The following ANKFY1 variants were observed in gnomAD, a reference collection of about 807,000 sequenced individuals.
The protein encoded by ANKFY1 is ankyrin repeat and FYVE domain-containing protein 1.
Under a neutral mutation model 128.3 loss-of-function variants are expected in ANKFY1, and 47 were observed. The ratio of observed to expected loss-of-function variants is 0.37; its 90% CI spans 0.29 to 0.47. The LOEUF is 0.47. Ranked by LOEUF, ANKFY1 falls within the 20% of genes least tolerant of loss-of-function variation. The pLI is 1.00. For synonymous variants in ANKFY1, 553 were observed against 601.6 expected, an observed-to-expected ratio of 0.92 and a Z score of 1.18; for missense variants, 1,222 against 1,510.6, an observed-to-expected ratio of 0.81 and a Z score of 3.17.
intron 3 of ANKFY1, chr17:4,222,265 A>T: frequency 1.8e-6 from 1 of 553,230 alleles, no homozygotes. Context: ...CGCGGGGCCC[A>T]GCGTGAGCCT....
rs544477349 is a variant in ANKFY1, at chr17:4,167,316, A to G, written c.*463T>C. The G allele has an allele frequency of 6.5e-6, 1 of 153,672 alleles. No individual in the cohort carries two copies. Among genetic ancestry groups the G allele is most frequent in the East Asian group, 1.9e-4 (1 of 5,218 alleles). 9.5% of individuals were successfully genotyped at this position (153,672 alleles called of 1,614,324 possible). A position where few individuals can be genotyped will look rare whatever the true frequency, so the allele number is the denominator to read the frequency against. Reference sequence around the variant, plus strand: ...TATCTTTATGAAAACACTGTGCAGAAAAGTCCACAGCCACTTACCCTAGAG... The same window carrying G: ...TATCTTTATGAAAACACTGTGCAGAGAAGTCCACAGCCACTTACCCTAGAG... On this transcript the variant is annotated 3_prime_UTR_variant, in exon 25 of 25. Coordinates refer to ENST00000341657, the MANE Select transcript of ANKFY1 (RefSeq NM_001330063.2). This position sits in a 1 kb window ranked among gnomAD's most constrained non-coding sequence, Gnocchi z 4.1.
At chr17:4,183,301 T>C (rs1398153923) in intron 14 of ANKFY1, 97 bp downstream of exon 14, 1 of 1,448,844 alleles carries the variant, frequency 6.9e-7, no homozygotes, top group Non-Finnish European at 9.4e-7. Flanking sequence ...CTCTAACTAA[T>C]ATGAAACAAA....
At chr17:4,222,454 C>T in intron 3 of ANKFY1, 1 of 811,216 alleles carries the variant, frequency 1.2e-6, no homozygotes, top group Non-Finnish European at 2.2e-6. Flanking sequence ...GCTGGGATTC[C>T]AAGCGGACAA....
intron 7 of ANKFY1, 49 bp from the exon 8 acceptor site, chr17:4,197,626 C>T: frequency 6.4e-7 from 1 of 1,557,618 alleles, no homozygotes; most frequent in Non-Finnish European, 8.8e-7. Flanking sequence ...AGTATTCTGG[C>T]CAGTGCTTCT....
At chr17:4,246,753 T>TCTGCACTTAAACTGTC (rs1967562572) in intron 1 of ANKFY1, among the ~76,000 whole-genome samples, 1 of 152,152 alleles carries the variant, frequency 6.6e-6, no homozygotes, top group Non-Finnish European at 1.5e-5. Context: ...CTTAAACTGT[T>TCTGCACTTAAACTGTC]GATCTGCAAA....
intron 1 of ANKFY1, among the ~76,000 whole-genome samples, chr17:4,256,254 C>T (rs1032987473): frequency 1.3e-5 from 2 of 151,958 alleles, no homozygotes; most frequent in South Asian, 4.2e-4. Flanking sequence ...GAGTGAAACC[C>T]CGTCTCTATT....
At chr17:4,197,301 G>T in intron 8 of ANKFY1, 72 bp downstream of exon 8, 1 of 1,504,106 alleles carries the variant, frequency 6.6e-7, no homozygotes, top group Non-Finnish European at 9.2e-7. Flanking sequence ...CTCCCCGTAT[G>T]CCAATTACAT....
chr17:4,210,229 G>A (rs192818511), intron 4 of ANKFY1, among the ~76,000 whole-genome samples: 23 of 152,216 alleles, frequency 1.5e-4, no homozygotes, highest in Admixed American at 9.8e-4. Flanking sequence ...GCACACATAC[G>A]ACACCCGCTG....
At position 4,209,958 on chromosome 17, in the gene ANKFY1, G is replaced by A. The variant is rs918803806; in HGVS notation, c.459-11C>T. Reference sequence around the variant, plus strand: ...ACACCCTTCTCACATCTGTAAGAGAGTATTCATCATGAGGAGTATTACTGG... The same window carrying A: ...ACACCCTTCTCACATCTGTAAGAGAATATTCATCATGAGGAGTATTACTGG... On this transcript the variant is annotated splice_polypyrimidine_tract_variant and intron_variant, in intron 4 of 24. Transcript: ENST00000341657. 3 of 1,604,660 alleles carry A rather than the reference G, an allele frequency of 1.9e-6. No individual in the cohort carries two copies. The highest frequency in any genetic ancestry group is 2.6e-6 in the Non-Finnish European group (3 of 1,172,292).
intron 3 of ANKFY1, among the ~76,000 whole-genome samples, chr17:4,224,665 TTTG>T (rs201334019): frequency 7.0e-4 from 107 of 151,832 alleles, no homozygotes; most frequent in African/African-American, 1.9e-3. Flanking sequence ...AAACTGTTTG[TTTG>T]TTTTTTTTTA....
chr17:4,222,436 GA>G (rs2060341800), intron 3 of ANKFY1: 8 of 803,196 alleles, frequency 1.0e-5, no homozygotes, highest in Non-Finnish European at 1.4e-5. Flanking sequence ...GTCCAAGGTT[GA>G]ATGTAAGCTG....
chr17:4,179,643 C>T, intron 17 of ANKFY1, 78 bp downstream of exon 17: 2 of 1,557,562 alleles, frequency 1.3e-6, no homozygotes, highest in Non-Finnish European at 1.7e-6. Context: ...GGGGACTGTG[C>T]AAGGTCCTCT....
At chr17:4,226,278 T>C (rs1235581008) in intron 3 of ANKFY1, among the ~76,000 whole-genome samples, 2 of 152,062 alleles carry the variant, frequency 1.3e-5, no homozygotes, top group East Asian at 1.9e-4. Context: ...ATCCAGAGCT[T>C]TGGGAGGCCG....
chr17:4,223,688 A>C, intron 3 of ANKFY1: 1 of 1,602,200 alleles, frequency 6.2e-7, no homozygotes, highest in Non-Finnish European at 8.6e-7. Flanking sequence ...TGGTTACCGA[A>C]TAGCCCAGCC....
chr17:4,184,018 A>C (rs2059565745), intron 12 of ANKFY1, 108 bp from the exon 13 acceptor site: 1 of 859,970 alleles, frequency 1.2e-6, no homozygotes, highest in South Asian at 1.6e-5. Flanking sequence ...TAATATGATC[A>C]ATGCTATAAA....
chr17:4,175,427 C>T (rs918949420), intron 19 of ANKFY1, among the ~76,000 whole-genome samples: 2 of 152,134 alleles, frequency 1.3e-5, no homozygotes, highest in East Asian at 1.9e-4. Context: ...AATACCTATT[C>T]GTTTAGTATT....
intron 3 of ANKFY1, among the ~76,000 whole-genome samples, chr17:4,224,315 G>A (rs548429194): frequency 5.4e-5 from 8 of 147,442 alleles, no homozygotes; most frequent in South Asian, 2.2e-4. Context: ...CTCTGCCCCC[G>A]GGGTTCACGC....
Position 4,166,440 on chromosome 17 carries a change from C to T in ANKFY1, c.*1339G>A, listed in dbSNP as rs1367270484. 2 of 152,596 alleles carry T rather than the reference C, an allele frequency of 1.3e-5. No homozygotes were observed. Among genetic ancestry groups the T allele is most frequent in the Non-Finnish European group, 2.9e-5 (2 of 68,030 alleles). The allele number at this position is 152,596 out of a possible 1,614,324, so 9.5% of individuals were successfully genotyped here. ...ATCTCAGAGTTGTTTTGTTTTAAAG[C>T]CGTGGTAGATGCTTCTCTTTAAATG... is the stretch of plus-strand genomic sequence containing the variant. On this transcript the variant is annotated 3_prime_UTR_variant, in exon 25 of 25. Coordinates refer to ENST00000341657, the MANE Select transcript of ANKFY1 (RefSeq NM_001330063.2).
chr17:4,253,971 A>G (rs1180560245), intron 1 of ANKFY1, among the ~76,000 whole-genome samples: 1 of 152,164 alleles, frequency 6.6e-6, no homozygotes, highest in Admixed American at 6.5e-5. Context: ...CATTGACCAA[A>G]ACATCATTAT....
Sources: allele counts gnomAD v4.1 joint callset (sites outside exome capture counted in the v4.1 genomes callset), GRCh38; gene constraint gnomAD v4.1.1; non-coding constraint Gnocchi (gnomAD v3.1); transcripts MANE v1.5; gene names NCBI Gene and HGNC (gene_info 2026-07-23, HGNC 2026-07-21).